The following MYO3B variants were observed in gnomAD, a reference collection of about 807,000 sequenced individuals.
MYO3B encodes myosin-IIIb.
In MYO3B, 156 loss-of-function variants were observed where a neutral mutation model predicts 174.6. The observed-to-expected ratio is 0.89, with a 90% CI of 0.78 to 1.02. The LOEUF is 1.02. Among genes scored for constraint, MYO3B ranks in the 50% least tolerant of loss-of-function variants. The pLI is 0.00. For missense variants in MYO3B, 1,632 were observed against 1,639.4 expected (o/e 1.00, Z 0.08); for synonymous variants, 563 against 569.1 (o/e 0.99, Z 0.15).
At chr2:170,502,007 T>G in intron 28 of MYO3B, 142 bp downstream of exon 28, 1 of 609,088 alleles carries the variant, frequency 1.6e-6, no homozygotes, top group South Asian at 2.0e-5. Context: ...CCTAGTGTTC[T>G]GACCCTCCTT....
intron 32 of MYO3B, among the ~76,000 whole-genome samples, chr2:170,545,711 C>T (rs982230791): frequency 1.3e-5 from 2 of 152,180 alleles, no homozygotes; most frequent in African/African-American, 4.8e-5. Flanking sequence ...CTCATATGCA[C>T]TTTCTTTCTA....
chr2:170,525,004 C>T (rs1688915120), intron 30 of MYO3B, among the ~76,000 whole-genome samples: 1 of 152,134 alleles, frequency 6.6e-6, no homozygotes, highest in Non-Finnish European at 1.5e-5. Context: ...GATAATTAGT[C>T]CAAGGCTTTT....
intron 32 of MYO3B, among the ~76,000 whole-genome samples, chr2:170,594,780 T>C (rs953874642): frequency 2.6e-5 from 4 of 151,932 alleles, no homozygotes; most frequent in Admixed American, 1.3e-4. Flanking sequence ...TGCTTTTCTC[T>C]GGTTGTTCCA....
chr2:170,466,645 T>C lies in MYO3B; in HGVS notation c.2948T>C (p.Leu983Pro). ...VLAQLRSTGI[L>P]ETVSIRRQGY... ...GCCCAGCTCCGCTCCACAGGGATTC[T>C]GGAGACAGTCAGCATCCGCCGCCAG... is the stretch of plus-strand genomic sequence containing the variant. The change falls in exon 25 of 35, where the codon CTG (leucine) becomes CCG (proline). Residue 983 changes from leucine to proline, a missense_variant. Coordinates refer to ENST00000408978, the MANE Select transcript of MYO3B (RefSeq NM_138995.5). 1 of 1,614,232 alleles carries C rather than the reference T, an allele frequency of 6.2e-7. No homozygotes were observed. The highest frequency in any genetic ancestry group is 8.5e-7 in the Non-Finnish European group (1 of 1,180,040).
At chr2:170,306,321 G>A (rs929130343) in intron 7 of MYO3B, among the ~76,000 whole-genome samples, 2 of 152,206 alleles carry the variant, frequency 1.3e-5, no homozygotes, top group African/African-American at 4.8e-5. Context: ...TTCAAGGAGT[G>A]AGGGCATAGA....
intron 7 of MYO3B, among the ~76,000 whole-genome samples, chr2:170,265,204 A>G (rs1397754515): frequency 6.6e-6 from 1 of 152,162 alleles, no homozygotes; most frequent in East Asian, 1.9e-4. Context: ...TTGGAGACAG[A>G]CTTTTAAAGA....
intron 28 of MYO3B, among the ~76,000 whole-genome samples, chr2:170,506,078 T>A (rs1291525898): frequency 1.3e-5 from 2 of 152,180 alleles, no homozygotes; most frequent in Non-Finnish European, 2.9e-5. Flanking sequence ...TTTCCCAGCA[T>A]CAGCAGAGAC....
At chr2:170,328,335 G>C (rs1344249302) in intron 7 of MYO3B, among the ~76,000 whole-genome samples, 1 of 152,170 alleles carries the variant, frequency 6.6e-6, no homozygotes, top group African/African-American at 2.4e-5. Flanking sequence ...GTTTGTAGCT[G>C]CTGGAATCGA....
At chr2:170,212,175 G>A (rs968376188) in intron 3 of MYO3B, among the ~76,000 whole-genome samples, 7 of 152,038 alleles carry the variant, frequency 4.6e-5, no homozygotes, top group Admixed American at 2.6e-4. Flanking sequence ...CCCAGGGGGC[G>A]GAGTTTGTGG....
At chr2:170,295,376 T>C (rs1172925180) in intron 7 of MYO3B, among the ~76,000 whole-genome samples, 1 of 151,532 alleles carries the variant, frequency 6.6e-6, no homozygotes, top group African/African-American at 2.4e-5. Flanking sequence ...GTTTCTCTTT[T>C]CCCCCATCTA....
intron 1 of MYO3B, among the ~76,000 whole-genome samples, chr2:170,191,499 A>G (rs2092540187): frequency 6.6e-6 from 1 of 152,084 alleles, no homozygotes; most frequent in South Asian, 2.1e-4. Flanking sequence ...CCAGAACTCA[A>G]GTTCCTATCA....
chr2:170,635,449 C>G (rs1385678837), intron 32 of MYO3B, among the ~76,000 whole-genome samples: 1 of 152,034 alleles, frequency 6.6e-6, no homozygotes, highest in African/African-American at 2.4e-5. Flanking sequence ...ACATCACACA[C>G]CAGGGGCCTG....
chr2:170,355,647 G>T (rs1221436509), intron 8 of MYO3B, among the ~76,000 whole-genome samples: 1 of 152,118 alleles, frequency 6.6e-6, no homozygotes, highest in African/African-American at 2.4e-5. Flanking sequence ...GGATTGAATC[G>T]CTCCCTCCTT....
At chr2:170,299,244 G>A (rs1357904529) in intron 7 of MYO3B, among the ~76,000 whole-genome samples, 1 of 152,156 alleles carries the variant, frequency 6.6e-6, no homozygotes, top group Non-Finnish European at 1.5e-5. Context: ...TCATAGGCCT[G>A]GCACAGTTCC....
chr2:170,563,119 TACACACACACAC>T (rs56807707), intron 32 of MYO3B, among the ~76,000 whole-genome samples: 19 of 110,346 alleles, frequency 1.7e-4, no homozygotes, highest in Non-Finnish European at 3.3e-4. Context: ...CTCTCACACA[TACACACACACAC>T]ACACACACAC....
intron 32 of MYO3B, among the ~76,000 whole-genome samples, chr2:170,597,559 T>C (rs1694235197): frequency 6.6e-6 from 1 of 151,980 alleles, no homozygotes; most frequent in Non-Finnish European, 1.5e-5. Flanking sequence ...TCCCATCAAT[T>C]CTATGATTCC....
At chr2:170,445,958 G>A (rs954379584) in intron 23 of MYO3B, among the ~76,000 whole-genome samples, 2 of 151,100 alleles carry the variant, frequency 1.3e-5, no homozygotes, top group Non-Finnish European at 2.9e-5. Flanking sequence ...AGGGGTCGGG[G>A]GCAGCATTTT....
chr2:170,504,716 G>A (rs970238165), intron 28 of MYO3B, among the ~76,000 whole-genome samples: 5 of 152,148 alleles, frequency 3.3e-5, no homozygotes, highest in African/African-American at 4.8e-5. Flanking sequence ...GGCAGCCCTC[G>A]GTCTAGGAGC....
chr2:170,381,073 A>G (rs1165484609), intron 9 of MYO3B, among the ~76,000 whole-genome samples: 1 of 152,190 alleles, frequency 6.6e-6, no homozygotes, highest in Non-Finnish European at 1.5e-5. Context: ...GTGAGCTATG[A>G]CTATGCCACT....
Sources: gnomAD v4.1 joint callset for allele counts (sites outside exome capture counted in the v4.1 genomes callset) on GRCh38, gnomAD v4.1.1 for gene constraint, MANE v1.5 for transcripts, NCBI Gene and HGNC (gene_info 2026-07-23, HGNC 2026-07-21) for gene names.